Variants in RGPD3 observed in about 807,000 individuals in gnomAD.
RGPD3 encodes the protein ranBP2-like and GRIP domain-containing protein 3.
In RGPD3, 62 loss-of-function variants were observed where a neutral mutation model predicts 154.5. The ratio of observed to expected loss-of-function variants is 0.40; its 90% CI spans 0.33 to 0.50. RGPD3 has a LOEUF of 0.50. Among genes scored for constraint, RGPD3 ranks in the 20% least tolerant of loss-of-function variants. The probability of loss-of-function intolerance (pLI) is 0.59; values close to 1 mark genes in which losing one functional copy is unlikely to be tolerated. For synonymous variants in RGPD3, 308 were observed against 607.0 expected, an observed-to-expected ratio of 0.51 and a Z score of 7.24; for missense variants, 919 against 1,716.8, an observed-to-expected ratio of 0.54 and a Z score of 8.21.
rs1677108979 is a variant in RGPD3, at chr2:106,424,260, A to G, written c.3707T>C (p.Ile1236Thr). ...CCCAGTGTTTTCAGCATTGGGTTTTATTGTTGTGTCTGAGGCACCGGCCGC... is the reference window on the plus strand; with the variant it reads ...CCCAGTGTTTTCAGCATTGGGTTTTGTTGTTGTGTCTGAGGCACCGGCCGC... ...TGAAGASDTT[I>T]KPNAENTGPT... Residue 1236 changes from isoleucine to threonine, a missense_variant, in exon 20 of 23, where the codon ATA becomes ACA. Physicochemically the swap from Ile to Thr is moderately conservative, Grantham distance 89. Transcript: ENST00000409886. 7.4e-6 allele frequency: 12 copies of G among 1,611,910 alleles called. No individual in the cohort carries two copies. The highest frequency in any genetic ancestry group is 1.0e-5 in the Non-Finnish European group (12 of 1,179,830).
intron 18 of RGPD3, among the ~76,000 whole-genome samples, chr2:106,427,436 TGA>T (rs1241023639): frequency 2.0e-5 from 3 of 150,114 alleles, no homozygotes; most frequent in African/African-American, 7.4e-5. Context: ...CTGTTTTGTG[TGA>T]GTTTTACCAA....
chr2:106,414,953 C>T (rs1190477871), intron 21 of RGPD3, among the ~76,000 whole-genome samples: 1 of 152,098 alleles, frequency 6.6e-6, no homozygotes, highest in African/African-American at 2.4e-5. Flanking sequence ...TTCAATTTTT[C>T]TCTTAACCAG....
At chr2:106,409,262 G>C (rs867210198) in intron 22 of RGPD3, among the ~76,000 whole-genome samples, 3 of 152,064 alleles carry the variant, frequency 2.0e-5, no homozygotes, top group Non-Finnish European at 4.4e-5. Context: ...CAAGGCCTTG[G>C]TAACAAAATG....
intron 21 of RGPD3, among the ~76,000 whole-genome samples, chr2:106,414,557 G>A (rs1188523024): frequency 6.7e-6 from 1 of 149,974 alleles, no homozygotes. Flanking sequence ...GGGAGGCGGA[G>A]ATTGCAGTGA....
Position 106,424,820 on chromosome 2 carries a change from T to C in RGPD3, c.3147A>G (p.Glu1049=), listed in dbSNP as rs762383806. 206 of 1,611,660 alleles carry C rather than the reference T, an allele frequency of 1.3e-4. 3 individuals carry two copies. The South Asian group carries it at 2.2e-3, about 17-fold the overall frequency. The change falls in exon 20 of 23, where the codon GAA becomes GAG. Residue 1049 remains glutamate, a synonymous_variant. Coordinates refer to ENST00000409886, the MANE Select transcript of RGPD3 (RefSeq NM_001144013.2). ...TTTCACCTTCTTCTCCTGTTACAAG[T>C]TCTACTTTTTCAGGCATTTGAACTA... ...EPVVQMPEKV[E]LVTGEEGEKV... is the part of the protein sequence containing the mutation.
In RGPD3 at chr2:106,413,136, C is replaced by T; in HGVS notation, c.5214G>A (p.Thr1738=). 6 of 1,611,478 alleles carry T rather than the reference C, an allele frequency of 3.7e-6. No homozygotes were observed. The highest frequency in any genetic ancestry group is 5.1e-6 in the Non-Finnish European group (6 of 1,179,740). ...TTTCTTCAAGGCTGAGCTGCAACAT[C>T]GTATTTATAACAGGAAGAAGTCTCT... ...ERERLLPVIN[T]MLQLSLEEKG... The change falls in exon 22 of 23, where the codon ACG becomes ACA. Residue 1738 remains threonine (T), a synonymous_variant. Transcript: ENST00000409886.
Position 106,436,428 on chromosome 2 carries a change from A to G in RGPD3, c.1620T>C (p.Ile540=). 7.0e-7 allele frequency: 1 copy of G among 1,422,284 alleles called. No individual in the cohort carries two copies. The highest frequency in any genetic ancestry group is 9.5e-7 in the Non-Finnish European group (1 of 1,048,596). The allele number at this position is 1,422,284 out of a possible 1,614,324, so 88.1% of individuals were successfully genotyped here. The part of the protein sequence containing the change: ...KSWWDAVCTL[I]HRKAVPGNSA... ...TTACTACTTACACTGCTTTTCTGTG[A>G]ATCAGAGTACAAACCGCATCCCACC... Residue 540 remains isoleucine (I), a synonymous_variant, in exon 11 of 23, where the codon ATT becomes ATC. Coordinates refer to ENST00000409886, the MANE Select transcript of RGPD3 (RefSeq NM_001144013.2).
intron 7 of RGPD3, among the ~76,000 whole-genome samples, chr2:106,444,654 G>T (rs1404252502): frequency 1.4e-5 from 2 of 141,518 alleles, no homozygotes; most frequent in Non-Finnish European, 3.1e-5. Context: ...GCAAGACCTT[G>T]TCTTTACAAA....
At chr2:106,450,702 T>A (rs1678086992) in intron 6 of RGPD3, among the ~76,000 whole-genome samples, 1 of 27,100 alleles carries the variant, frequency 3.7e-5, no homozygotes, top group African/African-American at 2.1e-4. Flanking sequence ...CGAGACTCTG[T>A]CTCAAAAAAA....
In RGPD3 at chr2:106,468,247, C is replaced by T. The variant is rs756324622; in HGVS notation, c.42G>A (p.Ser14=). 9.3e-6 allele frequency: 15 copies of T among 1,607,844 alleles called. No individual in the cohort carries two copies. Among genetic ancestry groups the T allele is most frequent in the Admixed American group, 8.4e-5 (5 of 59,526 alleles). The change falls in exon 1 of 23, where the codon TCG becomes TCA. Residue 14 remains serine (S), a synonymous_variant. Coordinates refer to ENST00000409886, the MANE Select transcript of RGPD3 (RefSeq NM_001144013.2). ...GAGGCGACGGGGCGGAGCCCTGCAC[C>T]GAGGCGACGTACCGCTCCCCGTAGG... ...SKAYGERYVA[S]VQGSAPSPRK...
intron 4 of RGPD3, among the ~76,000 whole-genome samples, chr2:106,454,527 C>T (rs1425651686): frequency 6.6e-6 from 1 of 151,750 alleles, no homozygotes; most frequent in African/African-American, 2.4e-5. Flanking sequence ...CCTTAGCAAG[C>T]CTTAAATTTT....
Position 106,423,803 on chromosome 2 carries a change from A to G in RGPD3, c.4164T>C (p.Tyr1388=). The change falls in exon 20 of 23, where the codon TAT becomes TAC. Residue 1388 remains tyrosine, a synonymous_variant. Transcript: ENST00000409886. ...GIGDIKILQN[Y]DNKHVRILMR... ...TCAGTATACGAACGTGCTTATTATC[A>G]TAATTCTGTAAAATCTTTATATCAC... The G allele has an allele frequency of 6.2e-7, 1 of 1,612,006 alleles. No homozygotes were observed. The highest frequency in any genetic ancestry group is 8.5e-7 in the Non-Finnish European group (1 of 1,179,868).
chr2:106,406,973 A>C (rs1489579764), intron 22 of RGPD3, among the ~76,000 whole-genome samples: 6 of 151,966 alleles, frequency 3.9e-5, no homozygotes, highest in Non-Finnish European at 7.4e-5. Context: ...CTACAAACTT[A>C]GTACCTTAAC....
chr2:106,424,800 C>T lies in RGPD3; in HGVS notation c.3167G>A (p.Gly1056Asp), dbSNP rs1167159621. 5 of 1,611,662 alleles carry T rather than the reference C, an allele frequency of 3.1e-6. No homozygotes were observed. In the Admixed American group the frequency reaches 8.3e-5, roughly 27 times the overall value. ...EKVELVTGEEGEKVLYSQGVK... is the reference protein window; with the variant it reads ...EKVELVTGEEDEKVLYSQGVK... ...CCCCTGTGAATACAGAACTTTTTCA[C>T]CTTCTTCTCCTGTTACAAGTTCTAC... Residue 1056 changes from glycine to aspartate, a missense_variant, in exon 20 of 23, where the codon GGT becomes GAT. Gly to Asp is a moderately conservative substitution (Grantham distance 94). Transcript: ENST00000409886.
rs544540175 is a variant in RGPD3 at position 106,463,840 on chromosome 2, A to G, written c.72+4377T>C. On this transcript the variant is annotated intron_variant, in intron 1 of 22. Coordinates refer to ENST00000409886, the MANE Select transcript of RGPD3 (RefSeq NM_001144013.2). ...TTAAGTAAGCAAGTAGTAACACAAC[A>G]TACAAGCAAACCAAAAAATAAAGCA... Among the ~76,000 whole-genome samples, 676 of 152,224 alleles carry G rather than the reference A, an allele frequency of 4.4e-3. 3 individuals carry two copies. The highest frequency in any genetic ancestry group is 8.3e-3 in the Non-Finnish European group (563 of 68,002).
intron 21 of RGPD3, among the ~76,000 whole-genome samples, chr2:106,414,436 A>T (rs1268950176): frequency 6.6e-6 from 1 of 151,958 alleles, no homozygotes; most frequent in Non-Finnish European, 1.5e-5. Flanking sequence ...ATCCTGGCCA[A>T]CATGGTGAAA....
intron 8 of RGPD3, among the ~76,000 whole-genome samples, chr2:106,439,953 G>A (rs1442280027): frequency 9.2e-6 from 1 of 108,794 alleles, no homozygotes; most frequent in Non-Finnish European, 1.9e-5. Context: ...AAAAATCATA[G>A]TCCTCGGATA....
At chr2:106,461,399 T>A (rs1464316764) in intron 1 of RGPD3, among the ~76,000 whole-genome samples, 1 of 152,156 alleles carries the variant, frequency 6.6e-6, no homozygotes, top group African/African-American at 2.4e-5. Flanking sequence ...GGCTAGTATG[T>A]AACTAGCAGG....
intron 22 of RGPD3, among the ~76,000 whole-genome samples, chr2:106,411,126 T>C (rs370067477): frequency 6.0e-5 from 9 of 148,824 alleles, no homozygotes; most frequent in East Asian, 4.4e-4. Flanking sequence ...GGGTCAGAAA[T>C]TGGGGACCAG....
Sources: gnomAD v4.1 joint callset for allele counts (sites outside exome capture counted in the v4.1 genomes callset) on GRCh38, gnomAD v4.1.1 for gene constraint, MANE v1.5 for transcripts, NCBI Gene and HGNC (gene_info 2026-07-23, HGNC 2026-07-21) for gene names.